Variants in ZNF426 observed in about 807,000 individuals in gnomAD.
ZNF426 encodes the protein zinc finger protein 426.
In ZNF426, 23 loss-of-function variants were observed where a neutral mutation model predicts 24.0. The ratio of observed to expected loss-of-function variants is 0.96; its 90% CI spans 0.69 to 1.36. ZNF426 has a LOEUF of 1.36. Among genes scored for constraint, ZNF426 ranks in the 40% most tolerant of loss-of-function variants. ZNF426 has a pLI of 0.00. For synonymous variants in ZNF426, 272 were observed against 224.6 expected, an observed-to-expected ratio of 1.21 and a Z score of -1.89; for missense variants, 646 against 658.4, an observed-to-expected ratio of 0.98 and a Z score of 0.21.
intron 7 of ZNF426, among the ~76,000 whole-genome samples, chr19:9,530,514 G>A (rs145780644): frequency 2.6e-4 from 39 of 151,804 alleles, no homozygotes; most frequent in Non-Finnish European, 4.9e-4. Flanking sequence ...TGTACTCCCA[G>A]CACTTTTGTA....
chr19:9,535,515 C>A (rs1018915054), intron 3 of ZNF426, among the ~76,000 whole-genome samples: 1 of 152,016 alleles, frequency 6.6e-6, no homozygotes, highest in Non-Finnish European at 1.5e-5. Flanking sequence ...CGGTGAGACC[C>A]CGTCTCTACA....
Position 9,528,855 on chromosome 19 carries a change from C to A in ZNF426, c.1190G>T (p.Cys397Phe). ...TGEKPFVCVE[C>F]GKAFAVSSNL... ...TGAGGAAACTGCAAAGGCTTTCCCA[C>A]ATTCAACACATACAAAAGGCTTCTC... is the stretch of plus-strand genomic sequence containing the variant. The change falls in exon 8 of 8, where the codon TGT becomes TTT. Residue 397 changes from cysteine (C) to phenylalanine (F), a missense_variant. Coordinates refer to ENST00000253115, the MANE Select transcript of ZNF426 (RefSeq NM_024106.3). The A allele has an allele frequency of 6.2e-7, 1 of 1,614,216 alleles. No individual in the cohort carries two copies. The highest frequency in any genetic ancestry group is 8.5e-7 in the Non-Finnish European group (1 of 1,180,040).
chr19:9,530,637 C>T (rs1028063613), intron 7 of ZNF426, among the ~76,000 whole-genome samples: 12 of 151,914 alleles, frequency 7.9e-5, no homozygotes, highest in African/African-American at 2.4e-4. Context: ...TGGTGCATGC[C>T]TGTAGTCCCA....
At chr19:9,537,244 C>T (rs181848114) in intron 2 of ZNF426, among the ~76,000 whole-genome samples, 14 of 152,118 alleles carry the variant, frequency 9.2e-5, no homozygotes, top group Admixed American at 4.6e-4. Flanking sequence ...GTGAAAGTTC[C>T]GCAGTTCATT....
In ZNF426 at chr19:9,528,904, G is replaced by C. The variant is rs747448662; in HGVS notation, c.1141C>G (p.Gln381Glu). The change falls in exon 8 of 8, where the codon CAA becomes GAA. Residue 381 changes from glutamine to glutamate, a missense_variant. By Grantham distance (29) the Gln-to-Glu change is conservative. Coordinates refer to ENST00000253115, the MANE Select transcript of ZNF426 (RefSeq NM_024106.3). Reference sequence around the variant, plus strand: ...TCTCCAGTGTGAGTTCTTATATGTTGAATAAGGCGTGAGGATGTAAGGAAG... The same window carrying C: ...TCTCCAGTGTGAGTTCTTATATGTTCAATAAGGCGTGAGGATGTAAGGAAG... Reference protein sequence around the residue: ...KSFLTSSRLIQHIRTHTGEKP... With the variant: ...KSFLTSSRLIEHIRTHTGEKP... 6.2e-7 allele frequency: 1 copy of C among 1,613,680 alleles called. No homozygotes were observed. The highest frequency in any genetic ancestry group is 8.5e-7 in the Non-Finnish European group (1 of 1,179,904).
rs748603473 is a variant in ZNF426 at position 9,529,004 on chromosome 19, C to T, written c.1041G>A (p.Gln347=). The change falls in exon 8 of 8, where the codon CAG becomes CAA. Residue 347 remains glutamine (Q), a synonymous_variant. Coordinates refer to ENST00000253115, the MANE Select transcript of ZNF426 (RefSeq NM_024106.3). The part of the protein sequence containing the change: ...VCKECGKAFT[Q]YSGLSMHVRS... ...GTACATGCATACTAAGGCCCGAGTA[C>T]TGAGTGAAGGCTTTCCCACATTCCT... The T allele has an allele frequency of 4.3e-6, 7 of 1,611,988 alleles. No homozygotes were observed. Among genetic ancestry groups the T allele is most frequent in the Admixed American group, 1.7e-5 (1 of 59,836 alleles).
chr19:9,533,206 G>A (rs2073913383), intron 5 of ZNF426, among the ~76,000 whole-genome samples: 1 of 152,104 alleles, frequency 6.6e-6, no homozygotes, highest in Non-Finnish European at 1.5e-5. Context: ...AGCACTTTGG[G>A]AGGCTGAGGC....
chr19:9,530,490 T>G (rs2144769215), intron 7 of ZNF426, among the ~76,000 whole-genome samples: 1 of 150,466 alleles, frequency 6.6e-6, no homozygotes, highest in African/African-American at 2.5e-5. Context: ...AAGCCAGATG[T>G]GGTGGCTCAT....
rs570690637 is a variant in ZNF426 at position 9,537,898 on chromosome 19, T to C, written c.-125+361A>G. Among the ~76,000 whole-genome samples the C allele has an allele frequency of 8.5e-5, 13 of 152,208 alleles. No individual in the cohort carries two copies. The East Asian group carries it at 2.5e-3, about 29-fold the overall frequency. On this transcript the variant is annotated intron_variant, in intron 2 of 7. Coordinates refer to ENST00000253115, the MANE Select transcript of ZNF426 (RefSeq NM_024106.3). ...CAAACTCCTTAATCCAACCATCCTG[T>C]TCATTGTAAATTTGATTATTGTGAT...
At chr19:9,532,444 G>A (rs977464397) in intron 6 of ZNF426, among the ~76,000 whole-genome samples, 13 of 151,342 alleles carry the variant, frequency 8.6e-5, no homozygotes, top group Non-Finnish European at 1.9e-4. Flanking sequence ...CAGCAGGTGC[G>A]TCCCACCACC....
rs1387053315 is a variant in ZNF426 at position 9,523,284 on chromosome 19, G to C, written c.*5096C>G. 2 of 152,132 alleles carry C rather than the reference G, an allele frequency of 1.3e-5. No individual in the cohort carries two copies. The highest frequency in any genetic ancestry group is 4.8e-5 in the African/African-American group (2 of 41,436). The allele number at this position is 152,132 out of a possible 1,614,324, so 9.4% of individuals were successfully genotyped here. A position where few individuals can be genotyped will look rare whatever the true frequency, so the allele number is the denominator to read the frequency against. Reference sequence around the variant, plus strand: ...TTGAGGCTGGAAGTCCAGGATCAAAGTGTAGATAAGGATGATTTCCTCTAT... The same window carrying C: ...TTGAGGCTGGAAGTCCAGGATCAAACTGTAGATAAGGATGATTTCCTCTAT... On this transcript the variant is annotated 3_prime_UTR_variant, in exon 8 of 8. Transcript: ENST00000253115.
At chr19:9,532,778 T>G (rs1456666306) in intron 6 of ZNF426, 67 bp downstream of exon 6, 1 of 1,231,810 alleles carries the variant, frequency 8.1e-7, no homozygotes, top group African/African-American at 1.5e-5. Flanking sequence ...GTTAAAAAGT[T>G]TCCTAATTAT....
intron 5 of ZNF426, 91 bp from the exon 6 acceptor site, chr19:9,533,016 G>T: frequency 8.9e-7 from 1 of 1,120,714 alleles, no homozygotes; most frequent in Non-Finnish European, 1.3e-6. Flanking sequence ...TAATGAAAGT[G>T]GTGAAGCTAT....
Position 9,528,698 on chromosome 19 carries a change from G to A in ZNF426, c.1347C>T (p.Thr449=), listed in dbSNP as rs2073830027. ...MRTHSAQKPY[T]CKECGKAFNY... ...TAAAAGCCTTCCCACATTCCTTACA[G>A]GTGTATGGTTTCTGGGCACTGTGCG... Residue 449 remains threonine, a synonymous_variant, in exon 8 of 8, where the codon ACC becomes ACT. Coordinates refer to ENST00000253115, the MANE Select transcript of ZNF426 (RefSeq NM_024106.3). 2 of 1,613,352 alleles carry A rather than the reference G, an allele frequency of 1.2e-6. No individual in the cohort carries two copies. Among genetic ancestry groups the A allele is most frequent in the Non-Finnish European group, 1.7e-6 (2 of 1,179,782 alleles).
In ZNF426 at chr19:9,527,419, C is replaced by G. The variant is rs906385588; in HGVS notation, c.*961G>C. On this transcript the variant is annotated 3_prime_UTR_variant, in exon 8 of 8. Coordinates refer to ENST00000253115, the MANE Select transcript of ZNF426 (RefSeq NM_024106.3). ...TTCCTTGCGTTCACAGTAAAAGAAACTTTCTTTCCTTTTTTCTCCTCTATT... is the reference window on the plus strand; with the variant it reads ...TTCCTTGCGTTCACAGTAAAAGAAAGTTTCTTTCCTTTTTTCTCCTCTATT... 6.6e-6 allele frequency: 1 copy of G among 152,210 alleles called. No individual in the cohort carries two copies. Among genetic ancestry groups the G allele is most frequent in the Non-Finnish European group, 1.5e-5 (1 of 68,040 alleles). 9.4% of individuals were successfully genotyped at this position (152,210 alleles called of 1,614,324 possible).
rs372975859 is a variant in ZNF426 at position 9,537,846 on chromosome 19, G to T, written c.-125+413C>A. Among the ~76,000 whole-genome samples the T allele has an allele frequency of 7.9e-5, 12 of 152,088 alleles. No individual in the cohort carries two copies. In the East Asian group the frequency reaches 1.7e-3, roughly 22 times the overall value. ...TTTTTCTATTTTTAGTAGAGACGGG[G>T]TTTCACCATCTTAGCCAGGCTGGTT... On this transcript the variant is annotated intron_variant, in intron 2 of 7. Transcript: ENST00000253115.
In ZNF426 at chr19:9,523,913, C is replaced by A. The variant is rs1233685865; in HGVS notation, c.*4467G>T. On this transcript the variant is annotated 3_prime_UTR_variant, in exon 8 of 8. Transcript: ENST00000253115. Reference sequence around the variant, plus strand: ...CCATGGCCCAGGGGTTTGGGGATCCCTGACCTAGGCCATTCCACTTATTAT... The same window carrying A: ...CCATGGCCCAGGGGTTTGGGGATCCATGACCTAGGCCATTCCACTTATTAT... The A allele has an allele frequency of 6.6e-6, 1 of 152,254 alleles. No individual in the cohort carries two copies. 9.4% of individuals were successfully genotyped at this position (152,254 alleles called of 1,614,324 possible). A position where few individuals can be genotyped will look rare whatever the true frequency, so the allele number is the denominator to read the frequency against.
chr19:9,532,858 T>G lies in ZNF426; in HGVS notation c.312A>C (p.Gly104=), dbSNP rs780409769. The G allele has an allele frequency of 2.5e-6, 4 of 1,613,834 alleles. No individual in the cohort carries two copies. Residue 104 remains glycine (G), a synonymous_variant, in exon 6 of 8, where the codon GGA becomes GGC. Transcript: ENST00000253115. ...ATGAACACTCACCTTGGAGAACTCCTCCCTGAACTGTCCTTGACTCTTCTT... is the reference window on the plus strand; with the variant it reads ...ATGAACACTCACCTTGGAGAACTCCGCCCTGAACTGTCCTTGACTCTTCTT... The part of the protein sequence containing the change: ...LEQEESRTVQ[G]GVLQGWEMRL...
At chr19:9,532,977 A>T (rs750566055) in intron 5 of ZNF426, 52 bp from the exon 6 acceptor site, 2 of 1,457,264 alleles carry the variant, frequency 1.4e-6, no homozygotes, top group Non-Finnish European at 1.9e-6. Context: ...AAGATTACAA[A>T]CCTTTCTGTG....
Sources: gnomAD v4.1 joint callset for allele counts (sites outside exome capture counted in the v4.1 genomes callset) on GRCh38, gnomAD v4.1.1 for gene constraint, MANE v1.5 for transcripts, NCBI Gene and HGNC (gene_info 2026-07-23, HGNC 2026-07-21) for gene names.